The following HIVEP1 variants were observed in gnomAD, a reference collection of about 807,000 sequenced individuals.
HIVEP1 encodes HIVEP zinc finger 1.
HIVEP1 carries 36 observed loss-of-function variants against 180.0 expected under a neutral mutation model. That is an observed-to-expected ratio of 0.20 (90% CI 0.15 to 0.26). HIVEP1 has a LOEUF of 0.26. Ranked by LOEUF, HIVEP1 falls within the 10% of genes least tolerant of loss-of-function variation. The pLI, the probability that HIVEP1 is intolerant of heterozygous loss-of-function variation, is 1.00. For missense variants in HIVEP1, 3,143 were observed against 3,268.7 expected, an observed-to-expected ratio of 0.96 and a Z score of 0.94; for synonymous variants, 1,239 against 1,239.0, an observed-to-expected ratio of 1.00 and a Z score of 0.00.
In HIVEP1 at chr6:12,123,261, A is replaced by C; in HGVS notation, c.3466A>C (p.Arg1156=). ...ATTTGACAAGCCTGAGCCTTTTGAA[A>C]GAGCCTCCCCAGTTTCTTTCCAGGA... ...NSFDKPEPFE[R]ASPVSFQELN... Residue 1156 remains arginine, a synonymous_variant, in exon 4 of 9, where the codon AGA becomes CGA. Coordinates refer to ENST00000379388, the MANE Select transcript of HIVEP1 (RefSeq NM_002114.4). 1 of 1,614,202 alleles carries C rather than the reference A, an allele frequency of 6.2e-7. No individual in the cohort carries two copies. The highest frequency in any genetic ancestry group is 8.5e-7 in the Non-Finnish European group (1 of 1,180,032).
intron 2 of HIVEP1, among the ~76,000 whole-genome samples, chr6:12,075,150 C>G (rs574897160): frequency 6.6e-6 from 1 of 152,342 alleles, no homozygotes; most frequent in African/African-American, 2.4e-5. Flanking sequence ...GGCACGTAGA[C>G]ACGTGCATGA....
the HIVEP1 span, among the ~76,000 whole-genome samples, chr6:12,198,235 C>T: frequency 6.6e-6 from 1 of 152,046 alleles, no homozygotes; most frequent in Non-Finnish European, 1.5e-5. Flanking sequence ...TGGCTGAAAA[C>T]CAGGGTCTTG....
chr6:12,097,434 C>A (rs1773847652), intron 3 of HIVEP1, among the ~76,000 whole-genome samples: 1 of 151,770 alleles, frequency 6.6e-6, no homozygotes. Context: ...ATTGGTAGAG[C>A]AAAAATTCAT....
At chr6:12,135,641 C>G (rs1369260233) in intron 6 of HIVEP1, 150 bp from the exon 7 acceptor site, 2 of 553,034 alleles carry the variant, frequency 3.6e-6, no homozygotes, top group African/African-American at 1.9e-5. Context: ...CATATAGATA[C>G]CAAATTTTCT....
the HIVEP1 span, among the ~76,000 whole-genome samples, chr6:12,174,228 C>A: frequency 6.6e-6 from 1 of 152,098 alleles, no homozygotes; most frequent in Non-Finnish European, 1.5e-5. Flanking sequence ...CATTTCTAAT[C>A]TACAAGGGTT....
Position 12,121,828 on chromosome 6 carries a change from G to T in HIVEP1, c.2033G>T (p.Arg678Leu), listed in dbSNP as rs192064941. ...AGTACGGATTCTGGTTACTTTTCACGTTCTGAAAGTGCCGATCAAACAGTG... is the reference window on the plus strand; with the variant it reads ...AGTACGGATTCTGGTTACTTTTCACTTTCTGAAAGTGCCGATCAAACAGTG... ...LGSTDSGYFS[R>L]SESADQTVSP... The change falls in exon 4 of 9, where the codon CGT becomes CTT. Residue 678 changes from arginine (R) to leucine (L), a missense_variant. This residue lies in a region of HIVEP1 where 365 missense variants were observed against 344.4 expected (regional missense o/e 1.06). Transcript: ENST00000379388. This position sits in a 1 kb window ranked among gnomAD's most constrained non-coding sequence, Gnocchi z 5.3. 1.9e-6 allele frequency: 3 copies of T among 1,614,138 alleles called. No homozygotes were observed. The highest frequency in any genetic ancestry group is 1.1e-5 in the South Asian group (1 of 91,082).
In HIVEP1 at chr6:12,164,630, G is replaced by A; in HGVS notation, c.*169G>A. 3.3e-6 allele frequency: 2 copies of A among 598,140 alleles called. No individual in the cohort carries two copies. Among genetic ancestry groups the A allele is most frequent in the Non-Finnish European group, 5.8e-6 (2 of 347,130 alleles). The allele number at this position is 598,140 out of a possible 1,614,324, so 37.1% of individuals were successfully genotyped here. ...TTTTGTGTCAGCTCCAGCCATTTTT[G>A]TACATGTTGTATAGACAATTGTGCC... On this transcript the variant is annotated 3_prime_UTR_variant, in exon 9 of 9. Coordinates refer to ENST00000379388, the MANE Select transcript of HIVEP1 (RefSeq NM_002114.4).
chr6:12,050,204 A>G (rs1048097447), intron 2 of HIVEP1, among the ~76,000 whole-genome samples: 5 of 152,222 alleles, frequency 3.3e-5, no homozygotes, highest in African/African-American at 1.2e-4. Flanking sequence ...GGACTGTTCC[A>G]CATGCTCTCT....
At chr6:12,186,343 G>T in the HIVEP1 span, among the ~76,000 whole-genome samples, 1 of 151,330 alleles carries the variant, frequency 6.6e-6, no homozygotes, top group Non-Finnish European at 1.5e-5. Context: ...AGACACAAAA[G>T]ACTATTAAAT....
chr6:12,120,806 T>G lies in HIVEP1; in HGVS notation c.1011T>G (p.Thr337=). The G allele has an allele frequency of 6.2e-7, 1 of 1,614,182 alleles. No homozygotes were observed. Among genetic ancestry groups the G allele is most frequent in the Middle Eastern group, 1.6e-4 (1 of 6,062 alleles). ...NIAVTSSVGL[T]SPSSRSQVTP... ...CAGTGACATCATCTGTAGGCCTAAC[T>G]TCACCTTCCAGTAGATCTCAGGTTA... is the stretch of plus-strand genomic sequence containing the variant. The change falls in exon 4 of 9, where the codon ACT becomes ACG. Residue 337 remains threonine, a synonymous_variant. Transcript: ENST00000379388.
chr6:12,136,939 T>C (rs141211008), intron 7 of HIVEP1, among the ~76,000 whole-genome samples: 1 of 152,218 alleles, frequency 6.6e-6, no homozygotes, highest in African/African-American at 2.4e-5. Flanking sequence ...AATTAAACAT[T>C]TACGTGCTTG....
intron 2 of HIVEP1, among the ~76,000 whole-genome samples, chr6:12,066,179 A>AG (rs1490134876): frequency 3.9e-5 from 6 of 152,032 alleles, no homozygotes; most frequent in African/African-American, 1.4e-4. Flanking sequence ...GGGAACAGAT[A>AG]GCTTGTGCGC....
intron 2 of HIVEP1, among the ~76,000 whole-genome samples, chr6:12,068,315 C>G (rs1771736573): frequency 6.6e-6 from 1 of 152,096 alleles, no homozygotes; most frequent in Non-Finnish European, 1.5e-5. Context: ...GTCTCAAACT[C>G]CTGACCTCAG....
At chr6:12,142,770 A>T (rs1301836625) in intron 7 of HIVEP1, among the ~76,000 whole-genome samples, 1 of 152,218 alleles carries the variant, frequency 6.6e-6, no homozygotes, top group African/African-American at 2.4e-5. Flanking sequence ...ATGCAAATAA[A>T]CTAGAAAATC....
chr6:12,192,727 C>A, the HIVEP1 span, among the ~76,000 whole-genome samples: 3 of 152,246 alleles, frequency 2.0e-5, no homozygotes, highest in Non-Finnish European at 4.4e-5. Context: ...CAGTACAATC[C>A]GTGGAACCAT....
chr6:12,123,800 A>T lies in HIVEP1; in HGVS notation c.4005A>T (p.Lys1335Asn). Reference sequence around the variant, plus strand: ...TTTCTAAAACGGAGGCTTCCCCCAAAATCGATTTTCTAAATAAAGCCGAGT... The same window carrying T: ...TTTCTAAAACGGAGGCTTCCCCCAATATCGATTTTCTAAATAAAGCCGAGT... Reference protein sequence around the residue: ...EDVSKTEASPKIDFLNKAEFL... With the variant: ...EDVSKTEASPNIDFLNKAEFL... The change falls in exon 4 of 9, where the codon AAA becomes AAT. Residue 1335 changes from lysine to asparagine, a missense_variant. Physicochemically the swap from Lys to Asn is moderately conservative, Grantham distance 94 (BLOSUM62 0). Transcript: ENST00000379388. The T allele has an allele frequency of 6.2e-7, 1 of 1,614,078 alleles. No homozygotes were observed.
intron 2 of HIVEP1, among the ~76,000 whole-genome samples, chr6:12,072,079 C>A (rs542101801): frequency 4.7e-5 from 6 of 127,366 alleles, no homozygotes; most frequent in Admixed American, 1.5e-4. Context: ...GTCACATATT[C>A]TTCTTCTTTT....
intron 2 of HIVEP1, among the ~76,000 whole-genome samples, chr6:12,049,584 G>A (rs113662139): frequency 0.011 from 1,681 of 152,276 alleles, 34 homozygotes; most frequent in African/African-American, 0.038. Context: ...CCAGTTCTCT[G>A]TTCACAAATC....
intron 3 of HIVEP1, among the ~76,000 whole-genome samples, chr6:12,103,906 A>G (rs116611686): frequency 0.02 from 3,038 of 152,254 alleles, 40 homozygotes; most frequent in Non-Finnish European, 0.032. Flanking sequence ...CAAGTGTCAT[A>G]TATTAGAAAA....
Sources: gnomAD v4.1 joint callset for allele counts (sites outside exome capture counted in the v4.1 genomes callset) on GRCh38, gnomAD v4.1.1 for gene constraint, gnomAD v4.1.1 regional missense constraint, Gnocchi (gnomAD v3.1) non-coding constraint, MANE v1.5 for transcripts, NCBI Gene and HGNC (gene_info 2026-07-23, HGNC 2026-07-21) for gene names.